The following TAOK3 variants were observed in gnomAD, a reference collection of about 807,000 sequenced individuals.
The protein encoded by TAOK3 is serine/threonine-protein kinase TAO3.
In TAOK3, 40 loss-of-function variants were observed where a neutral mutation model predicts 120.4. That is an observed-to-expected ratio of 0.33 (90% CI 0.26 to 0.43). The LOEUF (loss-of-function observed/expected upper bound fraction) is 0.43, where lower values mean the gene tolerates loss of function less well. TAOK3 is among the 20% of genes least tolerant of loss of function. The pLI is 1.00. For synonymous variants in TAOK3, 355 were observed against 387.5 expected, an observed-to-expected ratio of 0.92 and a Z score of 0.99; for missense variants, 821 against 1,112.1, an observed-to-expected ratio of 0.74 and a Z score of 3.72.
At chr12:118,188,611 T>A (rs2037220058) in intron 14 of TAOK3, among the ~76,000 whole-genome samples, 1 of 152,190 alleles carries the variant, frequency 6.6e-6, no homozygotes, top group Non-Finnish European at 1.5e-5. Flanking sequence ...TGCATTTGGG[T>A]TTTTAAAGGT....
Position 118,160,246 on chromosome 12 carries a change from T to C in TAOK3, c.2252A>G (p.Lys751Arg), listed in dbSNP as rs1434081179. 3 of 1,614,240 alleles carry C rather than the reference T, an allele frequency of 1.9e-6. No homozygotes were observed. Among genetic ancestry groups the C allele is most frequent in the South Asian group, 2.2e-5 (2 of 91,086 alleles). ...ATCTTTCAGTGTCTTTAAGATTGTTTTGTGCTCATTCTTTGGAGTAACTTC... is the reference window on the plus strand; with the variant it reads ...ATCTTTCAGTGTCTTTAAGATTGTTCTGTGCTCATTCTTTGGAGTAACTTC... ...QLEVTPKNEH[K>R]TILKTLKDEQ... The change falls in exon 19 of 21, where the codon AAA becomes AGA. Residue 751 changes from lysine (K) to arginine (R), a missense_variant. Lys to Arg is a conservative substitution (Grantham distance 26). This residue lies in a region of TAOK3 where 354 missense variants were observed against 572.1 expected (regional missense o/e 0.62). Coordinates refer to ENST00000392533, the MANE Select transcript of TAOK3 (RefSeq NM_016281.4). The surrounding 1 kb of genome is among the most constrained non-coding windows in gnomAD (Gnocchi z 4.2).
rs1353848789 is a variant in TAOK3 at position 118,217,811 on chromosome 12, G to GTGTGTGTGTA, written c.644-3702_644-3701insTACACACACA. Among the ~76,000 whole-genome samples the GTGTGTGTGTA allele has an allele frequency of 9.6e-4, 72 of 75,370 alleles. 2 individuals carry two copies. Among genetic ancestry groups the GTGTGTGTGTA allele is most frequent in the South Asian group, 2.0e-3 (4 of 2,042 alleles). The allele number at this position is 75,370 out of a possible 152,430, so 49.4% of individuals were successfully genotyped here. The stretch of plus-strand genomic sequence containing the variant: ...TGTATGTATGTATGTGTGTGTGTGT[G>GTGTGTGTGTA]TATACATATATATATATATATATAT... On this transcript the variant is annotated intron_variant, in intron 9 of 20. Coordinates refer to ENST00000392533, the MANE Select transcript of TAOK3 (RefSeq NM_016281.4).
At chr12:118,332,234 A>G (rs2044183168) in intron 1 of TAOK3, among the ~76,000 whole-genome samples, 1 of 152,172 alleles carries the variant, frequency 6.6e-6, no homozygotes, top group African/African-American at 2.4e-5. Flanking sequence ...GATAGTCTTT[A>G]TGTATTTTCT....
At chr12:118,359,116 G>A (rs1034834283) in intron 1 of TAOK3, 7 of 152,104 alleles carry the variant, frequency 4.6e-5, no homozygotes, top group Admixed American at 6.5e-5. Flanking sequence ...CCTTCATCCC[G>A]AGAAAGGAAG....
At chr12:118,290,489 A>G (rs1482835733) in intron 1 of TAOK3, among the ~76,000 whole-genome samples, 1 of 152,076 alleles carries the variant, frequency 6.6e-6, no homozygotes, top group African/African-American at 2.4e-5. Flanking sequence ...GTTAACATTT[A>G]TTTCAGACAC....
At chr12:118,266,290 T>TTCTCCTGCCTC (rs2041445163) in intron 2 of TAOK3, among the ~76,000 whole-genome samples, 2 of 152,058 alleles carry the variant, frequency 1.3e-5, no homozygotes, top group Non-Finnish European at 2.9e-5. Context: ...CCTCCTGGGT[T>TTCTCCTGCCTC]CAACCAATTC....
chr12:118,330,365 T>C (rs981367977), intron 1 of TAOK3, among the ~76,000 whole-genome samples: 1 of 152,196 alleles, frequency 6.6e-6, no homozygotes, highest in Non-Finnish European at 1.5e-5. Context: ...TATAAATATA[T>C]CTATTGGTGG....
chr12:118,183,630 T>C (rs1593076987), intron 14 of TAOK3, among the ~76,000 whole-genome samples: 1 of 152,328 alleles, frequency 6.6e-6, no homozygotes, highest in Non-Finnish European at 1.5e-5. Context: ...TTCACGCTTA[T>C]ATGTTTCTGA....
chr12:118,197,545 T>C (rs1476909612), intron 13 of TAOK3, among the ~76,000 whole-genome samples: 1 of 152,138 alleles, frequency 6.6e-6, no homozygotes. Context: ...TGAGAAGTCC[T>C]GGAGCAAAAA....
At chr12:118,162,500 A>T (rs2035285066) in intron 17 of TAOK3, among the ~76,000 whole-genome samples, 1 of 152,220 alleles carries the variant, frequency 6.6e-6, no homozygotes. Flanking sequence ...TGATGTCAGT[A>T]TTGGGAAGAG....
At chr12:118,152,609 A>T (rs1467722919) in intron 19 of TAOK3, 200 bp from the exon 20 acceptor site, 1 of 537,668 alleles carries the variant, frequency 1.9e-6, no homozygotes, top group Non-Finnish European at 3.3e-6. Context: ...AATACCAAAC[A>T]CATTCTTTTC....
intron 11 of TAOK3, among the ~76,000 whole-genome samples, chr12:118,210,193 CT>C (rs1453938552): frequency 6.6e-6 from 1 of 152,066 alleles, no homozygotes; most frequent in Non-Finnish European, 1.5e-5. Flanking sequence ...TCCTGCTTGC[CT>C]TCCTCCCTCT....
chr12:118,344,933 C>A (rs1322246716), intron 1 of TAOK3, among the ~76,000 whole-genome samples: 3 of 152,066 alleles, frequency 2.0e-5, no homozygotes, highest in Non-Finnish European at 2.9e-5. Flanking sequence ...CTTGTTAATA[C>A]CCATGCCCCT....
chr12:118,338,878 G>A (rs1420837787), intron 1 of TAOK3, among the ~76,000 whole-genome samples: 1 of 149,270 alleles, frequency 6.7e-6, no homozygotes, highest in Non-Finnish European at 1.5e-5. Flanking sequence ...TTAAAGATGT[G>A]ATCTTTTAGT....
chr12:118,299,049 A>C (rs1473269961), intron 1 of TAOK3, among the ~76,000 whole-genome samples: 2 of 152,208 alleles, frequency 1.3e-5, no homozygotes, highest in Non-Finnish European at 2.9e-5. Flanking sequence ...AGTTCCTCCC[A>C]TGGTTCCTGT....
intron 14 of TAOK3, among the ~76,000 whole-genome samples, chr12:118,184,152 A>C (rs1471350494): frequency 6.6e-6 from 1 of 152,206 alleles, no homozygotes; most frequent in Non-Finnish European, 1.5e-5. Flanking sequence ...AATGCTTCCC[A>C]TAATGTGGAT....
intron 1 of TAOK3, among the ~76,000 whole-genome samples, chr12:118,344,445 A>G (rs1320923532): frequency 1.3e-5 from 2 of 152,070 alleles, no homozygotes; most frequent in Non-Finnish European, 2.9e-5. Context: ...ACAGGGGAGA[A>G]GCAGTGTTCA....
intron 9 of TAOK3, among the ~76,000 whole-genome samples, chr12:118,226,432 G>T (rs921900177): frequency 1.3e-5 from 2 of 151,888 alleles, no homozygotes; most frequent in African/African-American, 4.8e-5. Context: ...TATTCGGGAG[G>T]CTGAGGCAGG....
chr12:118,156,007 G>A (rs1309422216), intron 19 of TAOK3, among the ~76,000 whole-genome samples: 1 of 152,168 alleles, frequency 6.6e-6, no homozygotes, highest in Non-Finnish European at 1.5e-5. Flanking sequence ...GATTACAGGC[G>A]TGAGCCACCG....
Sources: allele counts gnomAD v4.1 joint callset (sites outside exome capture counted in the v4.1 genomes callset), GRCh38; gene constraint gnomAD v4.1.1; regional missense constraint gnomAD v4.1.1; non-coding constraint Gnocchi (gnomAD v3.1); transcripts MANE v1.5; gene names NCBI Gene and HGNC (gene_info 2026-07-23, HGNC 2026-07-21).